MMP26: variants seen among roughly 807,000 people sequenced by gnomAD.
MMP26 encodes the protein matrix metallopeptidase 26.
A neutral mutation model predicts 31.0 loss-of-function variants in MMP26; 33 were observed. The ratio of observed to expected loss-of-function variants is 1.06; its 90% confidence interval spans 0.81 to 1.42. MMP26 has a LOEUF of 1.42. Among genes scored for constraint, MMP26 ranks in the 40% most tolerant of loss-of-function variants. MMP26 has a pLI of 0.00. For synonymous variants in MMP26, 122 were observed against 114.9 expected (o/e 1.06, Z -0.40); for missense variants, 347 against 316.1 (o/e 1.10, Z -0.74).
intron 2 of MMP26, chr11:4,821,413 T>C (rs1393689900): frequency 8.7e-6 from 14 of 1,613,766 alleles, no homozygotes; most frequent in Admixed American, 6.7e-5. Flanking sequence ...GTCTTCTCAG[T>C]GCTTCCCTAT....
Position 4,898,827 on chromosome 11 carries a change from CTCTCTGTG to C in MMP26, c.-144-89239_-144-89232del, listed in dbSNP as rs1279512131. On this transcript the variant is annotated intron_variant, in intron 2 of 7. Coordinates refer to ENST00000380390, the MANE Select transcript of MMP26 (RefSeq NM_021801.5). ...TTAAGAAATCTCTCTCTCTCTCTCT[CTCTCTGTG>C]TGTGTGTGTGTGTGTGTGTGTGTGT... Among the ~76,000 whole-genome samples the C allele has an allele frequency of 6.8e-4, 35 of 51,790 alleles. 1 individual carries two copies. Among genetic ancestry groups the C allele is most frequent in the South Asian group, 2.7e-3 (5 of 1,824 alleles). 34.0% of individuals were successfully genotyped at this position (51,790 alleles called of 152,430 possible).
Position 4,938,799 on chromosome 11 carries a change from T to A in MMP26, c.-144-49269T>A, listed in dbSNP as rs369129985. Among the ~76,000 whole-genome samples, 35 of 152,210 alleles carry A rather than the reference T, an allele frequency of 2.3e-4. 2 individuals are homozygous for A. In the South Asian group the frequency reaches 7.2e-3, roughly 32 times the overall value. On this transcript the variant is annotated intron_variant, in intron 2 of 7. Coordinates refer to ENST00000380390, the MANE Select transcript of MMP26 (RefSeq NM_021801.5). ...ATATGTATAGGATGAACATTTGAAG[T>A]AATGGCAGAACTGGAAGTTCATAAT...
intron 2 of MMP26, chr11:4,849,297 A>C: frequency 7.1e-7 from 1 of 1,410,152 alleles, no homozygotes. Context: ...GAAACGTTCC[A>C]AAATAGCCTG....
At chr11:4,795,447 A>G (rs1298301069) in intron 2 of MMP26, among the ~76,000 whole-genome samples, 17 of 152,222 alleles carry the variant, frequency 1.1e-4, no homozygotes, top group Admixed American at 1.1e-3. Flanking sequence ...GGGCCAAGTG[A>G]TTAGAAAATT....
intron 2 of MMP26, among the ~76,000 whole-genome samples, chr11:4,863,145 A>T (rs1285750931): frequency 6.6e-6 from 1 of 152,114 alleles, no homozygotes; most frequent in East Asian, 1.9e-4. Flanking sequence ...CTTCCATGCA[A>T]ATAGTTGATT....
intron 1 of MMP26, chr11:4,710,113 T>C: frequency 2.2e-6 from 1 of 456,784 alleles, no homozygotes; most frequent in Non-Finnish European, 4.4e-6. Flanking sequence ...TCCTACTGCT[T>C]CCACCCTGAT....
intron 2 of MMP26, among the ~76,000 whole-genome samples, chr11:4,979,280 G>A (rs190624313): frequency 2.6e-5 from 4 of 152,054 alleles, no homozygotes; most frequent in Admixed American, 6.6e-5. Context: ...ATCTGAATTC[G>A]TTCAGACTGC....
intron 2 of MMP26, among the ~76,000 whole-genome samples, chr11:4,841,913 A>G (rs1034443082): frequency 7.2e-5 from 11 of 152,206 alleles, no homozygotes; most frequent in African/African-American, 2.7e-4. Context: ...AGCCTGGGCA[A>G]CAAGAGCAAA....
intron 2 of MMP26, among the ~76,000 whole-genome samples, chr11:4,893,141 C>T (rs2570586): frequency 0.21 from 32,317 of 151,626 alleles, 3,585 homozygotes; most frequent in East Asian, 0.31. Flanking sequence ...GAATGGTCTA[C>T]GTAGTATAAT....
At chr11:4,881,950 T>C (rs368143077) in intron 2 of MMP26, 17 of 1,613,738 alleles carry the variant, frequency 1.1e-5, no homozygotes, top group Non-Finnish European at 1.2e-5. Flanking sequence ...TCCTCCTCAC[T>C]GCATTCCCTG....
intron 2 of MMP26, among the ~76,000 whole-genome samples, chr11:4,792,972 G>A (rs995643634): frequency 6.6e-6 from 1 of 152,058 alleles, no homozygotes; most frequent in Non-Finnish European, 1.5e-5. Flanking sequence ...GTAAAAACAA[G>A]CAACTAAAAT....
chr11:4,887,584 CCTTA>C (rs1219773408), intron 2 of MMP26, among the ~76,000 whole-genome samples: 1 of 152,108 alleles, frequency 6.6e-6, no homozygotes, highest in Non-Finnish European at 1.5e-5. Context: ...TATAGTTACT[CCTTA>C]CTTCTTTTGG....
intron 2 of MMP26, among the ~76,000 whole-genome samples, chr11:4,980,158 T>C (rs574977866): frequency 9.2e-5 from 14 of 152,206 alleles, no homozygotes; most frequent in Admixed American, 2.6e-4. Flanking sequence ...CCTGGCTTTT[T>C]TGCATGTTTT....
At chr11:4,781,976 T>G (rs768268991) in intron 2 of MMP26, among the ~76,000 whole-genome samples, 2 of 152,238 alleles carry the variant, frequency 1.3e-5, no homozygotes, top group Non-Finnish European at 2.9e-5. Flanking sequence ...CCTAGCCAAA[T>G]GGAACTGTAA....
intron 2 of MMP26, among the ~76,000 whole-genome samples, chr11:4,826,281 C>G (rs190981506): frequency 7.2e-4 from 110 of 152,154 alleles, no homozygotes; most frequent in African/African-American, 2.6e-3. Context: ...GAGTATAATG[C>G]GTTTCCATGT....
intron 2 of MMP26, chr11:4,769,976 A>G (rs1848695199): frequency 1.3e-6 from 1 of 798,604 alleles, no homozygotes; most frequent in Non-Finnish European, 2.1e-6. Flanking sequence ...GAAGTGATAC[A>G]TTAAGTGTTA....
chr11:4,777,191 C>G (rs67176708), intron 2 of MMP26, among the ~76,000 whole-genome samples: 14,431 of 152,184 alleles, frequency 0.095, 853 homozygotes, highest in Middle Eastern at 0.15. Context: ...ACCTCATTTA[C>G]TGAGCACCTA....
intron 2 of MMP26, among the ~76,000 whole-genome samples, chr11:4,799,478 C>G (rs1037645193): frequency 4.6e-5 from 7 of 152,154 alleles, no homozygotes; most frequent in African/African-American, 7.2e-5. Context: ...GAGATCGACC[C>G]TCATGATACA....
intron 2 of MMP26, among the ~76,000 whole-genome samples, chr11:4,921,773 C>T (rs1344560811): frequency 2.0e-5 from 3 of 152,176 alleles, no homozygotes; most frequent in East Asian, 1.9e-4. Context: ...TCTTTGGTGT[C>T]TTCTTCACAG....
Sources: gnomAD v4.1 joint callset for allele counts (sites outside exome capture counted in the v4.1 genomes callset) on GRCh38, gnomAD v4.1.1 for gene constraint, MANE v1.5 for transcripts, NCBI Gene and HGNC (gene_info 2026-07-23, HGNC 2026-07-21) for gene names.